ZC3H12B: variants seen among roughly 807,000 people sequenced by gnomAD.
ZC3H12B encodes the protein zinc finger CCCH-type containing 12B, also known as probable ribonuclease ZC3H12B.
ZC3H12B carries 7 observed loss-of-function variants against 43.9 expected under a neutral mutation model. That is an observed-to-expected ratio of 0.16 (90% CI 0.09 to 0.30). ZC3H12B has a LOEUF of 0.30. Among genes scored for constraint, ZC3H12B ranks in the 10% least tolerant of loss-of-function variants. The probability of loss-of-function intolerance (pLI) is 1.00; values close to 1 mark genes in which losing one functional copy is unlikely to be tolerated. For missense variants in ZC3H12B, 475 were observed against 670.2 expected, an observed-to-expected ratio of 0.71 and a Z score of 3.22; for synonymous variants, 222 against 241.7, an observed-to-expected ratio of 0.92 and a Z score of 0.76.
chrX:65,204,091 G>A, the ZC3H12B span, among the ~76,000 whole-genome samples: 1 of 112,481 alleles, frequency 8.9e-6, no homozygotes, highest in Non-Finnish European at 1.9e-5. Flanking sequence ...TCTATCCCCT[G>A]TGGCTGCTGC....
At chrX:65,229,950 G>T in the ZC3H12B span, among the ~76,000 whole-genome samples, 6 of 111,807 alleles carry the variant, frequency 5.4e-5, no homozygotes, top group Non-Finnish European at 9.4e-5. Context: ...CAGTAAACTA[G>T]TTCAACCATT....
At chrX:65,225,487 C>T in the ZC3H12B span, among the ~76,000 whole-genome samples, 11 of 112,581 alleles carry the variant, frequency 9.8e-5, no homozygotes, top group South Asian at 7.3e-4. Context: ...TCCAAAGGAA[C>T]GCAGTTCCTC....
At position 65,475,108 on chromosome X, in the gene ZC3H12B, CCA is replaced by C. The variant is rs767724212; in HGVS notation, n.408-13528_408-13527del. ...AAAATACTATACTTTTACATCCCCCCCACACACACACTTTGTGTTCTTGTACT... is the reference window on the plus strand; with the variant it reads ...AAAATACTATACTTTTACATCCCCCCCACACACACTTTGTGTTCTTGTACT... On this transcript the variant is annotated intron_variant and non_coding_transcript_variant, in intron 3 of 5. Coordinates refer to the ZC3H12B transcript ENST00000617377. Among the ~76,000 whole-genome samples, 40 of 112,069 alleles carry C rather than the reference CCA, an allele frequency of 3.6e-4. 1 individual carries two copies. The highest frequency in any genetic ancestry group is 1.1e-3 in the African/African-American group (33 of 30,925).
chrX:65,373,469 C>G (rs985677674), intron 2 of ZC3H12B, among the ~76,000 whole-genome samples: 3 of 110,885 alleles, frequency 2.7e-5, no homozygotes, highest in Admixed American at 9.6e-5. Context: ...CTATTCACAA[C>G]AGCAAAGACT....
intron 3 of ZC3H12B, among the ~76,000 whole-genome samples, chrX:65,409,452 C>A (rs916073303): frequency 2.7e-5 from 3 of 110,042 alleles, no homozygotes; most frequent in Admixed American, 9.8e-5. Context: ...CTAGAGCAAT[C>A]AAACAAGAAA....
chrX:65,113,277 G>A, the ZC3H12B span, among the ~76,000 whole-genome samples: 4 of 111,976 alleles, frequency 3.6e-5, no homozygotes, highest in African/African-American at 1.3e-4. Flanking sequence ...TCTGCTCCTG[G>A]TGAAGATGCT....
chrX:65,441,486 G>A (rs2067300748), intron 3 of ZC3H12B, among the ~76,000 whole-genome samples: 1 of 111,492 alleles, frequency 9.0e-6, no homozygotes, highest in Non-Finnish European at 1.9e-5. Flanking sequence ...GTTTATTTGT[G>A]CTTCCAAATC....
chrX:65,231,160 G>A, the ZC3H12B span, among the ~76,000 whole-genome samples: 1 of 110,841 alleles, frequency 9.0e-6, no homozygotes, highest in Non-Finnish European at 1.9e-5. Context: ...TGACAACCCC[G>A]AGCCACAAAA....
the ZC3H12B span, among the ~76,000 whole-genome samples, chrX:65,163,696 G>C: frequency 9.0e-6 from 1 of 111,706 alleles, no homozygotes; most frequent in Non-Finnish European, 1.9e-5. Context: ...GACTAGGAAA[G>C]GGAACTCCCC....
the ZC3H12B span, among the ~76,000 whole-genome samples, chrX:65,189,858 A>G: frequency 9.1e-6 from 1 of 109,952 alleles, no homozygotes; most frequent in South Asian, 3.7e-4. Context: ...TGTTTTGGAC[A>G]TGAAGTCCTT....
chrX:65,125,152 G>T, the ZC3H12B span, among the ~76,000 whole-genome samples: 1 of 110,934 alleles, frequency 9.0e-6, no homozygotes, highest in African/African-American at 3.3e-5. Flanking sequence ...CACCACTTTT[G>T]CTGTAACCCA....
the ZC3H12B span, among the ~76,000 whole-genome samples, chrX:65,099,535 G>A: frequency 9.0e-6 from 1 of 111,724 alleles, no homozygotes; most frequent in African/African-American, 3.3e-5. Flanking sequence ...GAAGGAGTAG[G>A]CAGCAGTCTT....
At chrX:65,065,943 A>G in the ZC3H12B span, among the ~76,000 whole-genome samples, 1 of 105,963 alleles carries the variant, frequency 9.4e-6, no homozygotes, top group South Asian at 4.4e-4. Flanking sequence ...TTGGCTATTG[A>G]TACTTGTGCA....
At chrX:65,284,379 G>T in the ZC3H12B span, among the ~76,000 whole-genome samples, 1 of 111,280 alleles carries the variant, frequency 9.0e-6, no homozygotes, top group Non-Finnish European at 1.9e-5. Context: ...TAAAAGACTG[G>T]TTTTAAACAA....
At chrX:65,072,663 T>C in the ZC3H12B span, among the ~76,000 whole-genome samples, 1 of 112,117 alleles carries the variant, frequency 8.9e-6, no homozygotes, top group African/African-American at 3.2e-5. Flanking sequence ...GGGCTCACTC[T>C]GATGGGTGGT....
the ZC3H12B span, among the ~76,000 whole-genome samples, chrX:65,291,688 A>T: frequency 8.9e-6 from 1 of 112,112 alleles, no homozygotes; most frequent in Admixed American, 9.5e-5. Context: ...TAATTTTTTA[A>T]TTAGTGATGA....
chrX:65,337,586 G>A, the ZC3H12B span, among the ~76,000 whole-genome samples: 2 of 111,995 alleles, frequency 1.8e-5, no homozygotes, highest in Non-Finnish European at 3.8e-5. Context: ...ATTATTCCAC[G>A]TTATATTTAA....
chrX:65,450,910 TAC>T (rs1216746757), intron 3 of ZC3H12B, among the ~76,000 whole-genome samples: 16 of 95,205 alleles, frequency 1.7e-4, no homozygotes, highest in South Asian at 4.7e-4. Context: ...TATACATATA[TAC>T]ACACACACAC....
At chrX:65,304,226 A>G in the ZC3H12B span, among the ~76,000 whole-genome samples, 1 of 112,126 alleles carries the variant, frequency 8.9e-6, no homozygotes, top group Non-Finnish European at 1.9e-5. Context: ...ACATACATAC[A>G]TATCAATTTT....
Sources: allele counts gnomAD v4.1 joint callset (sites outside exome capture counted in the v4.1 genomes callset), GRCh38; gene constraint gnomAD v4.1.1; transcripts MANE v1.5; gene names NCBI Gene and HGNC (gene_info 2026-07-23, HGNC 2026-07-21).